The following SH3RF3 variants were observed in gnomAD, a reference collection of about 807,000 sequenced individuals.
The protein encoded by SH3RF3 is E3 ubiquitin-protein ligase SH3RF3.
SH3RF3 carries 29 observed loss-of-function variants against 66.3 expected under a neutral mutation model. The ratio of observed to expected loss-of-function variants is 0.44; its 90% CI spans 0.33 to 0.60. SH3RF3 has a LOEUF of 0.60. SH3RF3 is among the 20% of genes least tolerant of loss of function. SH3RF3 has a pLI of 0.04. For synonymous variants in SH3RF3, 583 were observed against 532.0 expected (o/e 1.10, Z -1.32); for missense variants, 1,194 against 1,190.9 (o/e 1.00, Z -0.04).
At chr2:109,328,304 AT>A (rs1448512715) in intron 1 of SH3RF3, among the ~76,000 whole-genome samples, 9 of 152,066 alleles carry the variant, frequency 5.9e-5, no homozygotes, top group Non-Finnish European at 1.5e-5. Context: ...ACTTCTTTCT[AT>A]TTCTGGAAGT....
At chr2:109,155,026 T>C (rs1286343070) in intron 1 of SH3RF3, among the ~76,000 whole-genome samples, 1 of 152,138 alleles carries the variant, frequency 6.6e-6, no homozygotes, top group Non-Finnish European at 1.5e-5. Context: ...GTTCATAAAA[T>C]AGAGTGGAGT....
chr2:109,287,624 A>G (rs1020364162), intron 1 of SH3RF3, among the ~76,000 whole-genome samples: 1 of 152,132 alleles, frequency 6.6e-6, no homozygotes, highest in African/African-American at 2.4e-5. Context: ...GGATTTGTCC[A>G]ATGGGAGGCG....
chr2:109,236,594 G>A (rs759036919), intron 1 of SH3RF3, among the ~76,000 whole-genome samples: 1 of 152,162 alleles, frequency 6.6e-6, no homozygotes, highest in Non-Finnish European at 1.5e-5. Flanking sequence ...GCTTTATTTT[G>A]TTGAGAAACA....
chr2:109,198,417 C>G (rs1312921483), intron 1 of SH3RF3, among the ~76,000 whole-genome samples: 1 of 152,186 alleles, frequency 6.6e-6, no homozygotes, highest in Non-Finnish European at 1.5e-5. Context: ...TAGAGGGGCA[C>G]AGTGGGCTAC....
At chr2:109,375,720 G>A (rs1483931140) in intron 3 of SH3RF3, among the ~76,000 whole-genome samples, 1 of 152,238 alleles carries the variant, frequency 6.6e-6, no homozygotes, top group African/African-American at 2.4e-5. Context: ...ATGAGTGCCG[G>A]GGCTGAGCAC....
At chr2:109,393,823 T>A (rs753463150) in intron 3 of SH3RF3, among the ~76,000 whole-genome samples, 1 of 152,086 alleles carries the variant, frequency 6.6e-6, no homozygotes, top group Non-Finnish European at 1.5e-5. Flanking sequence ...ACTGCTCTTC[T>A]TTTCATGTTA....
At chr2:109,205,875 T>C in intron 1 of SH3RF3, among the ~76,000 whole-genome samples, 1 of 152,206 alleles carries the variant, frequency 6.6e-6, no homozygotes, top group East Asian at 1.9e-4. Flanking sequence ...CCGCTTCCTG[T>C]TTTTTCATAG....
intron 1 of SH3RF3, among the ~76,000 whole-genome samples, chr2:109,243,266 C>T (rs1272608436): frequency 6.6e-6 from 1 of 152,218 alleles, no homozygotes; most frequent in African/African-American, 2.4e-5. Flanking sequence ...AGTCCTGGGC[C>T]AGAGCCGGCG....
chr2:109,457,675 C>T (rs1678098365), intron 8 of SH3RF3, among the ~76,000 whole-genome samples: 1 of 152,246 alleles, frequency 6.6e-6, no homozygotes, highest in African/African-American at 2.4e-5. Flanking sequence ...AGATTCTGTT[C>T]TGCAAAATTC....
At chr2:109,249,557 TTCCTTCCTTCCTTCCTTCCTTCCTTC>T (rs1558981568) in intron 1 of SH3RF3, among the ~76,000 whole-genome samples, 1 of 136,976 alleles carries the variant, frequency 7.3e-6, no homozygotes, top group Non-Finnish European at 1.5e-5. Context: ...CCTTCCTTCC[TTCCTTCCTTCCTTCCTTCCTTCCTTC>T]CTTTCCTTTC....
intron 3 of SH3RF3, among the ~76,000 whole-genome samples, chr2:109,389,812 T>C (rs1333756594): frequency 1.3e-5 from 2 of 152,108 alleles, no homozygotes; most frequent in Non-Finnish European, 2.9e-5. Flanking sequence ...AATGCAGAAA[T>C]GCTTCCCTGA....
At chr2:109,366,858 CAAAT>C (rs1250496539) in intron 2 of SH3RF3, among the ~76,000 whole-genome samples, 2 of 152,282 alleles carry the variant, frequency 1.3e-5, no homozygotes, top group Middle Eastern at 3.4e-3. Context: ...GTCTCAAAAA[CAAAT>C]AAATAAATAA....
intron 3 of SH3RF3, among the ~76,000 whole-genome samples, chr2:109,387,454 T>G (rs1024361903): frequency 2.4e-4 from 36 of 152,296 alleles, no homozygotes; most frequent in Admixed American, 1.3e-3. Context: ...CCAGCCACTC[T>G]GGCCTTCTTG....
chr2:109,133,026 C>T (rs563036161), intron 1 of SH3RF3, among the ~76,000 whole-genome samples: 6 of 152,256 alleles, frequency 3.9e-5, no homozygotes, highest in African/African-American at 1.4e-4. Context: ...CATGTAGACT[C>T]GGCTAGGCAC....
chr2:109,194,975 A>G (rs1428277814), intron 1 of SH3RF3, among the ~76,000 whole-genome samples: 1 of 152,168 alleles, frequency 6.6e-6, no homozygotes, highest in African/African-American at 2.4e-5. Context: ...CAACTCCAGG[A>G]TCCTTTTTTG....
intron 9 of SH3RF3, among the ~76,000 whole-genome samples, chr2:109,500,113 C>A (rs891455805): frequency 6.6e-6 from 1 of 152,080 alleles, no homozygotes; most frequent in Non-Finnish European, 1.5e-5. Context: ...ACAGTCGATT[C>A]TTTTGGCTGC....
At chr2:109,444,757 C>A (rs1677660988) in intron 7 of SH3RF3, among the ~76,000 whole-genome samples, 2 of 152,136 alleles carry the variant, frequency 1.3e-5, no homozygotes, top group Non-Finnish European at 2.9e-5. Context: ...AGACAAAGAG[C>A]CGCAAGCTCA....
At chr2:109,408,137 C>T (rs1243918495) in intron 4 of SH3RF3, among the ~76,000 whole-genome samples, 2 of 152,280 alleles carry the variant, frequency 1.3e-5, no homozygotes, top group Admixed American at 6.5e-5. Context: ...GCTGTTGAAG[C>T]CACATCCTGC....
chr2:109,153,428 T>C (rs1677267080), intron 1 of SH3RF3, among the ~76,000 whole-genome samples: 1 of 152,192 alleles, frequency 6.6e-6, no homozygotes, highest in African/African-American at 2.4e-5. Context: ...TTGGACAGAT[T>C]AGTTCTGCTG....
Sources: allele counts gnomAD v4.1 joint callset (sites outside exome capture counted in the v4.1 genomes callset), GRCh38; gene constraint gnomAD v4.1.1; transcripts MANE v1.5; gene names NCBI Gene and HGNC (gene_info 2026-07-23, HGNC 2026-07-21).